ZFHX3: variants seen among roughly 807,000 people sequenced by gnomAD.
The protein encoded by ZFHX3 is zinc finger homeobox protein 3.
In ZFHX3, 42 loss-of-function variants were observed where a neutral mutation model predicts 279.1. The ratio of observed to expected loss-of-function variants is 0.15; its 90% CI spans 0.12 to 0.19. The LOEUF is 0.19. Ranked by LOEUF, ZFHX3 falls within the 10% of genes least tolerant of loss-of-function variation. The probability of loss-of-function intolerance (pLI) is 1.00; values close to 1 mark genes in which losing one functional copy is unlikely to be tolerated. For synonymous variants in ZFHX3, 2,293 were observed against 1,957.8 expected (o/e 1.17, Z -4.52); for missense variants, 4,981 against 4,754.0 (o/e 1.05, Z -1.40).
intron 2 of ZFHX3, among the ~76,000 whole-genome samples, chr16:73,621,388 G>A (rs547646509): frequency 1.3e-5 from 2 of 152,204 alleles, no homozygotes; most frequent in Admixed American, 6.5e-5. Context: ...AATTCATATG[G>A]TCTTTCCCTC....
At chr16:73,566,047 T>C (rs1474167851) in intron 2 of ZFHX3, among the ~76,000 whole-genome samples, 2 of 152,224 alleles carry the variant, frequency 1.3e-5, no homozygotes, top group Non-Finnish European at 2.9e-5. Flanking sequence ...TTCCTGCTCA[T>C]GCAGAGCTGT....
At chr16:73,659,439 T>C (rs900033872) in intron 2 of ZFHX3, among the ~76,000 whole-genome samples, 1 of 143,596 alleles carries the variant, frequency 7.0e-6, no homozygotes, top group African/African-American at 2.6e-5. Context: ...AATTTGGCTC[T>C]GAGAAGAACG....
At chr16:73,119,401 T>C (rs12149931) in intron 7 of ZFHX3, among the ~76,000 whole-genome samples, 67,378 of 151,610 alleles carry the variant, frequency 0.44, 16,564 homozygotes, top group Middle Eastern at 0.59. Context: ...GTCACCACAC[T>C]CAGCCCGGAA....
In ZFHX3 at chr16:72,958,832, C is replaced by T. The variant is rs8046150; in HGVS notation, c.1314G>A (p.Ala438=). ...CCACTTCCTGCTTCTCTCCTTCTGC[C>T]GCCCCAGAGTCCTTGCCCTCTGAGG... ...TKSSEGKDSG[A]AEGEKQEVGD... The change falls in exon 2 of 10, where the codon GCG becomes GCA. Residue 438 remains alanine, a synonymous_variant. Transcript: ENST00000268489. 290 of 1,614,120 alleles carry T rather than the reference C, an allele frequency of 1.8e-4. 1 individual carries two copies. In the African/African-American group the frequency reaches 3.3e-3, roughly 18 times the overall value.
chr16:73,537,167 G>A (rs1415824865), intron 2 of ZFHX3, among the ~76,000 whole-genome samples: 2 of 152,096 alleles, frequency 1.3e-5, no homozygotes, highest in African/African-American at 4.8e-5. Flanking sequence ...GATGCTTTGG[G>A]CTGATGCTTA....
At chr16:72,951,389 T>C (rs1484351037) in intron 2 of ZFHX3, among the ~76,000 whole-genome samples, 5 of 152,016 alleles carry the variant, frequency 3.3e-5, no homozygotes, top group Non-Finnish European at 7.4e-5. Context: ...GCCTCCCAAG[T>C]AGCTGGGATT....
intron 5 of ZFHX3, among the ~76,000 whole-genome samples, chr16:73,170,823 G>T (rs1476597555): frequency 6.6e-6 from 1 of 152,108 alleles, no homozygotes; most frequent in African/African-American, 2.4e-5. Context: ...ATGGAAACCT[G>T]AATTGGCTCT....
intron 1 of ZFHX3, among the ~76,000 whole-genome samples, chr16:73,888,297 C>T (rs2030416050): frequency 1.3e-5 from 2 of 151,604 alleles, no homozygotes; most frequent in East Asian, 1.9e-4. Context: ...ATCCTTTTTC[C>T]CTCCCCTTCC....
At chr16:72,850,357 G>A (rs986711926) in intron 4 of ZFHX3, among the ~76,000 whole-genome samples, 10 of 152,244 alleles carry the variant, frequency 6.6e-5, no homozygotes, top group African/African-American at 2.4e-4. Context: ...ACCACAGGAC[G>A]AACGACCATC....
At chr16:73,772,111 C>A (rs2054024759) in intron 1 of ZFHX3, among the ~76,000 whole-genome samples, 2 of 152,162 alleles carry the variant, frequency 1.3e-5, no homozygotes, top group African/African-American at 4.8e-5. Context: ...TGAGGCAGAA[C>A]CATCCAGTTC....
At chr16:73,776,686 G>T (rs1217296759) in intron 1 of ZFHX3, among the ~76,000 whole-genome samples, 1 of 152,156 alleles carries the variant, frequency 6.6e-6, no homozygotes, top group East Asian at 1.9e-4. Context: ...TGCGTTTCCA[G>T]ATGACAAACC....
At chr16:73,188,757 C>G (rs1967967463) in intron 5 of ZFHX3, among the ~76,000 whole-genome samples, 1 of 152,134 alleles carries the variant, frequency 6.6e-6, no homozygotes, top group Non-Finnish European at 1.5e-5. Flanking sequence ...ATGTTAGATT[C>G]CCAGGGGTAG....
At chr16:73,588,990 G>C (rs147878044) in intron 2 of ZFHX3, among the ~76,000 whole-genome samples, 1 of 152,052 alleles carries the variant, frequency 6.6e-6, no homozygotes, top group East Asian at 1.9e-4. Flanking sequence ...GCCAGGCATG[G>C]TGGCTCAGGC....
chr16:73,298,086 G>A (rs117549391), intron 4 of ZFHX3, among the ~76,000 whole-genome samples: 1 of 151,770 alleles, frequency 6.6e-6, no homozygotes, highest in Non-Finnish European at 1.5e-5. Context: ...AGCGACCTGG[G>A]AGGCTGAGGT....
intron 1 of ZFHX3, chr16:73,015,384 T>G (rs1964064880): frequency 6.6e-6 from 1 of 152,142 alleles, no homozygotes; most frequent in Non-Finnish European, 1.5e-5. Flanking sequence ...CAGTGGAGTA[T>G]CTTAGCATTA....
intron 1 of ZFHX3, among the ~76,000 whole-genome samples, chr16:73,887,599 G>A (rs1382398356): frequency 6.6e-6 from 1 of 152,056 alleles, no homozygotes; most frequent in African/African-American, 2.4e-5. Flanking sequence ...GGAATGAAGT[G>A]AATGCTTCTT....
At chr16:73,512,223 G>A (rs1006180785) in intron 2 of ZFHX3, among the ~76,000 whole-genome samples, 2 of 146,612 alleles carry the variant, frequency 1.4e-5, no homozygotes, top group Non-Finnish European at 3.0e-5. Context: ...AGGTCAGGAG[G>A]TTGAGACCAT....
chr16:73,363,378 G>C (rs112965697), intron 3 of ZFHX3, among the ~76,000 whole-genome samples: 164 of 152,296 alleles, frequency 1.1e-3, no homozygotes, highest in African/African-American at 3.5e-3. Context: ...CTATTGACTT[G>C]TTTAGCCGAC....
At chr16:73,873,804 T>C (rs1474783762) in intron 1 of ZFHX3, among the ~76,000 whole-genome samples, 2 of 152,060 alleles carry the variant, frequency 1.3e-5, no homozygotes, top group African/African-American at 4.8e-5. Context: ...AATAATCTGA[T>C]AAGAGGAGGA....
Sources: gnomAD v4.1 joint callset for allele counts (sites outside exome capture counted in the v4.1 genomes callset) on GRCh38, gnomAD v4.1.1 for gene constraint, MANE v1.5 for transcripts, NCBI Gene and HGNC (gene_info 2026-07-23, HGNC 2026-07-21) for gene names.